The following KCNMB2 variants were observed in gnomAD, a reference collection of about 807,000 sequenced individuals.
KCNMB2 encodes potassium calcium-activated channel subfamily M regulatory beta subunit 2.
Under a neutral mutation model 24.5 loss-of-function variants are expected in KCNMB2, and 9 were observed. The observed-to-expected ratio is 0.37, with a 90% confidence interval of 0.22 to 0.64. The LOEUF is 0.64. KCNMB2 is among the 30% of genes least tolerant of loss of function. KCNMB2 has a pLI of 0.63. For missense variants in KCNMB2, 226 were observed against 284.3 expected, an observed-to-expected ratio of 0.79 and a Z score of 1.47; for synonymous variants, 109 against 104.4, an observed-to-expected ratio of 1.04 and a Z score of -0.27.
intron 1 of KCNMB2, among the ~76,000 whole-genome samples, chr3:178,714,841 G>A (rs986543201): frequency 6.6e-6 from 1 of 152,142 alleles, no homozygotes; most frequent in African/African-American, 2.4e-5. Flanking sequence ...AGGAGAGATT[G>A]AACATGGAAA....
intron 4 of KCNMB2, among the ~76,000 whole-genome samples, chr3:178,829,527 T>C (rs1714975620): frequency 6.6e-6 from 1 of 152,204 alleles, no homozygotes. Context: ...TCTGATTTTC[T>C]TTCATTTGTA....
chr3:178,571,223 A>G (rs1054676485), intron 1 of KCNMB2, among the ~76,000 whole-genome samples: 1 of 151,168 alleles, frequency 6.6e-6, no homozygotes, highest in Non-Finnish European at 1.5e-5. Flanking sequence ...TTTTTTTTTT[A>G]ATCAAGCTTC....
chr3:178,667,827 G>A (rs532370126), intron 1 of KCNMB2, among the ~76,000 whole-genome samples: 5 of 152,042 alleles, frequency 3.3e-5, no homozygotes, highest in Admixed American at 6.5e-5. Flanking sequence ...CTTGAGTATC[G>A]GCTTTCCTGT....
intron 1 of KCNMB2, among the ~76,000 whole-genome samples, chr3:178,657,317 T>G (rs1040974549): frequency 5.9e-5 from 9 of 152,240 alleles, no homozygotes; most frequent in African/African-American, 2.2e-4. Context: ...TCTCTTTCAT[T>G]GCTGATTCTT....
At chr3:178,705,555 A>T (rs939982394) in intron 1 of KCNMB2, among the ~76,000 whole-genome samples, 1 of 152,194 alleles carries the variant, frequency 6.6e-6, no homozygotes, top group South Asian at 2.1e-4. Flanking sequence ...TGTTGTTCAA[A>T]TTAGAGCTTA....
chr3:178,825,682 G>A lies in KCNMB2; in HGVS notation c.151G>A (p.Gly51Arg). The change falls in exon 3 of 5, where the codon GGA (glycine) becomes AGA (arginine). Residue 51 changes from glycine to arginine, a missense_variant. By Grantham distance (125) the Gly-to-Arg change is moderately radical. Coordinates refer to ENST00000452583, the MANE Select transcript of KCNMB2 (RefSeq NM_181361.3). ...KAGEDRAILLGLAMMVCSIMM... is the reference protein window; with the variant it reads ...KAGEDRAILLRLAMMVCSIMM... ...AGGAGAGGACCGAGCTATTCTCCTG[G>A]GACTGGCTATGATGGTGTGCTCCAT... is the stretch of plus-strand genomic sequence containing the variant. The A allele has an allele frequency of 6.2e-7, 1 of 1,613,864 alleles. No individual in the cohort carries two copies. The highest frequency in any genetic ancestry group is 8.5e-7 in the Non-Finnish European group (1 of 1,179,808).
intron 1 of KCNMB2, among the ~76,000 whole-genome samples, chr3:178,715,444 T>C (rs1371179806): frequency 6.6e-6 from 1 of 150,752 alleles, no homozygotes; most frequent in Non-Finnish European, 1.5e-5. Flanking sequence ...TGGGCTCAAA[T>C]GGAAGGTTTA....
At chr3:178,675,067 T>C (rs1235090192) in intron 1 of KCNMB2, among the ~76,000 whole-genome samples, 1 of 152,206 alleles carries the variant, frequency 6.6e-6, no homozygotes, top group Non-Finnish European at 1.5e-5. Context: ...GTCTTATTGC[T>C]TTTAATCCTC....
At chr3:178,813,282 C>T (rs187011938) in intron 2 of KCNMB2, among the ~76,000 whole-genome samples, 6 of 152,060 alleles carry the variant, frequency 3.9e-5, no homozygotes, top group Admixed American at 3.9e-4. Flanking sequence ...AATATAATTC[C>T]TTATTTATTC....
intron 1 of KCNMB2, among the ~76,000 whole-genome samples, chr3:178,796,080 A>G (rs766770424): frequency 1.4e-4 from 21 of 152,152 alleles, no homozygotes; most frequent in Non-Finnish European, 2.8e-4. Flanking sequence ...CAAGGAAGAT[A>G]CTATCTTATA....
intron 1 of KCNMB2, among the ~76,000 whole-genome samples, chr3:178,743,493 CTA>C (rs1723560363): frequency 6.6e-6 from 1 of 152,184 alleles, no homozygotes. Flanking sequence ...CTCCCACGTG[CTA>C]CTACAAGTGG....
At chr3:178,563,461 A>T (rs1398603317) in intron 1 of KCNMB2, among the ~76,000 whole-genome samples, 1 of 152,122 alleles carries the variant, frequency 6.6e-6, no homozygotes, top group Non-Finnish European at 1.5e-5. Flanking sequence ...AGACTTGGAG[A>T]CTACCAGGGT....
chr3:178,705,534 G>A (rs1348010050), intron 1 of KCNMB2, among the ~76,000 whole-genome samples: 1 of 152,092 alleles, frequency 6.6e-6, no homozygotes, highest in Non-Finnish European at 1.5e-5. Flanking sequence ...TAAAATTAAA[G>A]ATTACAGAAA....
intron 1 of KCNMB2, among the ~76,000 whole-genome samples, chr3:178,708,480 C>T (rs1471727751): frequency 6.6e-6 from 1 of 152,124 alleles, no homozygotes; most frequent in Non-Finnish European, 1.5e-5. Context: ...GAGGCACTTA[C>T]AGTGTATAAA....
intron 1 of KCNMB2, among the ~76,000 whole-genome samples, chr3:178,609,087 T>C (rs1489133452): frequency 6.6e-6 from 1 of 152,198 alleles, no homozygotes; most frequent in Non-Finnish European, 1.5e-5. Flanking sequence ...ATACTGTTTT[T>C]ACTAATTTAC....
At chr3:178,822,757 C>T (rs1560035671) in intron 2 of KCNMB2, among the ~76,000 whole-genome samples, 1 of 152,210 alleles carries the variant, frequency 6.6e-6, no homozygotes, top group Non-Finnish European at 1.5e-5. Flanking sequence ...CATTTGTTAA[C>T]CACTTTCAAA....
chr3:178,735,865 T>A (rs1207898011), intron 1 of KCNMB2, among the ~76,000 whole-genome samples: 5 of 152,288 alleles, frequency 3.3e-5, no homozygotes, highest in Non-Finnish European at 7.4e-5. Flanking sequence ...CCGTGCTTGA[T>A]GACAATAGCA....
At chr3:178,766,734 T>A (rs1485034630) in intron 1 of KCNMB2, among the ~76,000 whole-genome samples, 1 of 152,228 alleles carries the variant, frequency 6.6e-6, no homozygotes, top group Non-Finnish European at 1.5e-5. Context: ...ATGTGGACGT[T>A]ACTTTAGATG....
At chr3:178,751,073 T>C (rs923685873) in intron 1 of KCNMB2, among the ~76,000 whole-genome samples, 5 of 151,454 alleles carry the variant, frequency 3.3e-5, no homozygotes, top group Admixed American at 6.6e-5. Context: ...CTAAATAGTT[T>C]GCATTTTTTT....
Sources: gnomAD v4.1 joint callset for allele counts (sites outside exome capture counted in the v4.1 genomes callset) on GRCh38, gnomAD v4.1.1 for gene constraint, MANE v1.5 for transcripts, NCBI Gene and HGNC (gene_info 2026-07-23, HGNC 2026-07-21) for gene names.